Variants in APOL6 observed in about 807,000 individuals in gnomAD.
The protein encoded by APOL6 is apolipoprotein L6.
APOL6 carries 1 observed loss-of-function variant against 2.4 expected under a neutral mutation model. The ratio of observed to expected loss-of-function variants is 0.41; its 90% CI spans 0.15 to 1.94. The LOEUF is 1.94. APOL6 is among the 30% of genes most tolerant of loss of function. The pLI is 0.30. For synonymous variants in APOL6, 189 were observed against 169.3 expected (o/e 1.12, Z -0.90); for missense variants, 438 against 429.2 (o/e 1.02, Z -0.18).
At chr22:35,658,258 C>G (rs958976975) in intron 2 of APOL6, among the ~76,000 whole-genome samples, 10 of 152,152 alleles carry the variant, frequency 6.6e-5, no homozygotes, top group African/African-American at 2.4e-4. Flanking sequence ...AGTTCTTTAT[C>G]TTGAGTGGGG....
chr22:35,656,548 G>A (rs1431417087), intron 2 of APOL6, 73 bp downstream of exon 2: 1 of 1,541,726 alleles, frequency 6.5e-7, no homozygotes, highest in Non-Finnish European at 9.0e-7. Context: ...TCACGATAAG[G>A]AATACATGTG....
In APOL6 at chr22:35,659,782, T is replaced by C; in HGVS notation, c.*186T>C. ...TTGTTTGTTTGTTTGTTTGTTTGTTTGTTTTGAGACAGGGTCTCTGTTGCC... is the reference window on the plus strand; with the variant it reads ...TTGTTTGTTTGTTTGTTTGTTTGTTCGTTTTGAGACAGGGTCTCTGTTGCC... On this transcript the variant is annotated 3_prime_UTR_variant, in exon 3 of 3. Transcript: ENST00000409652. 1 of 1,064,920 alleles carries C rather than the reference T, an allele frequency of 9.4e-7. No homozygotes were observed. Among genetic ancestry groups the C allele is most frequent in the Non-Finnish European group, 1.3e-6 (1 of 759,880 alleles). The allele number at this position is 1,064,920 out of a possible 1,614,324, so 66.0% of individuals were successfully genotyped here.
At chr22:35,655,658 T>C (rs1924825261) in intron 1 of APOL6, among the ~76,000 whole-genome samples, 1 of 152,114 alleles carries the variant, frequency 6.6e-6, no homozygotes, top group Non-Finnish European at 1.5e-5. Flanking sequence ...CCCTTGGCTA[T>C]GTATGGGAGG....
intron 1 of APOL6, among the ~76,000 whole-genome samples, chr22:35,655,480 T>C (rs1220953327): frequency 6.6e-6 from 1 of 152,196 alleles, no homozygotes; most frequent in African/African-American, 2.4e-5. Flanking sequence ...AATGGAGCCA[T>C]TTGTTTGATT....
chr22:35,659,963 C>T lies in APOL6; in HGVS notation c.*367C>T. 5.1e-6 allele frequency: 1 copy of T among 194,942 alleles called. No individual in the cohort carries two copies. Among genetic ancestry groups the T allele is most frequent in the Non-Finnish European group, 1.1e-5 (1 of 92,934 alleles). The allele number at this position is 194,942 out of a possible 1,614,324, so 12.1% of individuals were successfully genotyped here. A position where few individuals can be genotyped will look rare whatever the true frequency, so the allele number is the denominator to read the frequency against. ...GTATTTTTTTGTAGAGACAGGGTTT[C>T]ACCATTTTGGCCAGGCTGGTCTCGA... On this transcript the variant is annotated 3_prime_UTR_variant, in exon 3 of 3. Transcript: ENST00000409652.
chr22:35,665,820 C>T lies in APOL6; in HGVS notation c.*6224C>T, dbSNP rs930745122. ...CACTTGGATTAAATAAATGACTTTA[C>T]GATGACCTGTAATTTTATTTTGTAA... On this transcript the variant is annotated 3_prime_UTR_variant, in exon 3 of 3. Coordinates refer to ENST00000409652, the MANE Select transcript of APOL6 (RefSeq NM_030641.4). 1.2e-4 allele frequency: 19 copies of T among 152,132 alleles called. 1 individual carries two copies. Among genetic ancestry groups the T allele is most frequent in the Admixed American group, 6.5e-4 (10 of 15,274 alleles). 9.4% of individuals were successfully genotyped at this position (152,132 alleles called of 1,614,324 possible).
At chr22:35,652,038 T>G (rs1172933854) in intron 1 of APOL6, among the ~76,000 whole-genome samples, 1 of 152,224 alleles carries the variant, frequency 6.6e-6, no homozygotes, top group Non-Finnish European at 1.5e-5. Context: ...TTCCTATTTC[T>G]CCACATCCTC....
At chr22:35,650,366 C>G (rs1281822896) in intron 1 of APOL6, among the ~76,000 whole-genome samples, 1 of 151,896 alleles carries the variant, frequency 6.6e-6, no homozygotes, top group African/African-American at 2.4e-5. Context: ...TGAAAACAAC[C>G]CAAAGGTTCA....
chr22:35,651,220 G>A (rs1924682542), intron 1 of APOL6, among the ~76,000 whole-genome samples: 1 of 152,180 alleles, frequency 6.6e-6, no homozygotes, highest in Non-Finnish European at 1.5e-5. Context: ...GTGTCTCACA[G>A]TTCTGGAGGC....
chr22:35,659,820 C>A lies in APOL6; in HGVS notation c.*224C>A. 1 of 708,526 alleles carries A rather than the reference C, an allele frequency of 1.4e-6. No individual in the cohort carries two copies. Among genetic ancestry groups the A allele is most frequent in the Non-Finnish European group, 2.2e-6 (1 of 453,020 alleles). The allele number at this position is 708,526 out of a possible 1,614,324, so 43.9% of individuals were successfully genotyped here. On this transcript the variant is annotated 3_prime_UTR_variant, in exon 3 of 3. Coordinates refer to ENST00000409652, the MANE Select transcript of APOL6 (RefSeq NM_030641.4). ...GGTCTCTGTTGCCCAGGCTGGAGTG[C>A]AGTGGCGTAATCTCGGCTCACTGCA... is the stretch of plus-strand genomic sequence containing the variant.
At chr22:35,653,945 G>T (rs1308179507) in intron 1 of APOL6, among the ~76,000 whole-genome samples, 2 of 152,182 alleles carry the variant, frequency 1.3e-5, no homozygotes, top group African/African-American at 4.8e-5. Context: ...CACATGGAAG[G>T]TTTCCACAAC....
rs1925003922 is a variant in APOL6 at position 35,660,860 on chromosome 22, G to T, written c.*1264G>T. On this transcript the variant is annotated 3_prime_UTR_variant, in exon 3 of 3. Coordinates refer to ENST00000409652, the MANE Select transcript of APOL6 (RefSeq NM_030641.4). ...TCCACTTCTTTATACTATTGGAGGG[G>T]TAGAAGGAACTTCCTTTCTAGACCT... 6.6e-6 allele frequency: 1 copy of T among 152,258 alleles called. No homozygotes were observed. The highest frequency in any genetic ancestry group is 2.4e-5 in the African/African-American group (1 of 41,468). 9.4% of individuals were successfully genotyped at this position (152,258 alleles called of 1,614,324 possible). A position where few individuals can be genotyped will look rare whatever the true frequency, so the allele number is the denominator to read the frequency against.
At chr22:35,650,253 C>A (rs1924652613) in intron 1 of APOL6, among the ~76,000 whole-genome samples, 1 of 152,206 alleles carries the variant, frequency 6.6e-6, no homozygotes, top group African/African-American at 2.4e-5. Context: ...TTGAAGCATT[C>A]ATTCTTTTTC....
At position 35,659,285 on chromosome 22, in the gene APOL6, T is replaced by C. The variant is rs1019237230; in HGVS notation, c.721T>C (p.Ser241Pro). ...KNARVLGGVM[S>P]AFSLGYDLAT... is the part of the protein sequence containing the mutation. ...TGCTCGCGTGCTGGGAGGTGTGATGTCCGCCTTCTCCCTTGGCTATGACTT... is the reference window on the plus strand; with the variant it reads ...TGCTCGCGTGCTGGGAGGTGTGATGCCCGCCTTCTCCCTTGGCTATGACTT... Residue 241 changes from serine (S) to proline (P), a missense_variant, in exon 3 of 3, where the codon TCC becomes CCC. Coordinates refer to ENST00000409652, the MANE Select transcript of APOL6 (RefSeq NM_030641.4). 6.2e-7 allele frequency: 1 copy of C among 1,614,118 alleles called. No individual in the cohort carries two copies. Among genetic ancestry groups the C allele is most frequent in the Middle Eastern group, 1.6e-4 (1 of 6,062 alleles).
intron 1 of APOL6, among the ~76,000 whole-genome samples, chr22:35,650,763 C>G (rs1263714094): frequency 6.6e-6 from 1 of 152,000 alleles, no homozygotes; most frequent in Non-Finnish European, 1.5e-5. Context: ...AACCCCATCT[C>G]TACTAAAAAT....
intron 1 of APOL6, among the ~76,000 whole-genome samples, chr22:35,653,238 C>T (rs921724180): frequency 6.6e-6 from 1 of 152,166 alleles, no homozygotes; most frequent in African/African-American, 2.4e-5. Flanking sequence ...GATTTTTGCA[C>T]ATTGATTTTG....
intron 1 of APOL6, among the ~76,000 whole-genome samples, chr22:35,654,128 C>T (rs1924777608): frequency 6.6e-6 from 1 of 152,212 alleles, no homozygotes; most frequent in Non-Finnish European, 1.5e-5. Flanking sequence ...TCTCTGGGCA[C>T]ACCACCCTCC....
intron 1 of APOL6, among the ~76,000 whole-genome samples, chr22:35,654,179 C>T (rs1435487469): frequency 6.6e-6 from 1 of 152,128 alleles, no homozygotes; most frequent in African/African-American, 2.4e-5. Flanking sequence ...GCTCTCTGAA[C>T]CCTGTCCTTT....
chr22:35,654,544 A>C (rs369894947), intron 1 of APOL6, among the ~76,000 whole-genome samples: 8,448 of 149,072 alleles, frequency 0.057, 441 homozygotes, highest in African/African-American at 0.14. Flanking sequence ...CTCTCTCTAT[A>C]TATATATATA....
Sources: allele counts gnomAD v4.1 joint callset (sites outside exome capture counted in the v4.1 genomes callset), GRCh38; gene constraint gnomAD v4.1.1; transcripts MANE v1.5; gene names NCBI Gene and HGNC (gene_info 2026-07-23, HGNC 2026-07-21).